PARD3: variants seen among roughly 807,000 people sequenced by gnomAD.
The protein encoded by PARD3 is par-3 family cell polarity regulator.
A neutral mutation model predicts 155.4 loss-of-function variants in PARD3; 75 were observed. The ratio of observed to expected loss-of-function variants is 0.48; its 90% CI spans 0.40 to 0.58. The LOEUF (loss-of-function observed/expected upper bound fraction) is 0.58. PARD3 is among the 20% of genes least tolerant of loss of function. The pLI is 0.00. For synonymous variants in PARD3, 576 were observed against 610.5 expected (o/e 0.94, Z 0.83); for missense variants, 1,642 against 1,721.7 (o/e 0.95, Z 0.82).
chr10:34,594,454 C>A (rs2089045593), intron 2 of PARD3, among the ~76,000 whole-genome samples: 1 of 152,120 alleles, frequency 6.6e-6, no homozygotes, highest in Admixed American at 6.5e-5. Flanking sequence ...GTATACATAT[C>A]CATGAAGCCT....
intron 5 of PARD3, among the ~76,000 whole-genome samples, chr10:34,446,148 G>A (rs187287817): frequency 8.9e-4 from 135 of 152,286 alleles, no homozygotes; most frequent in East Asian, 3.9e-4. Flanking sequence ...CTCTGTGCAA[G>A]GATGTGGCTC....
chr10:34,414,627 G>A (rs1434975340), intron 5 of PARD3, among the ~76,000 whole-genome samples: 2 of 151,202 alleles, frequency 1.3e-5, no homozygotes, highest in African/African-American at 2.4e-5. Flanking sequence ...ACCAGCCTGG[G>A]CAACACAGCG....
intron 5 of PARD3, among the ~76,000 whole-genome samples, chr10:34,416,154 G>A (rs1372262289): frequency 6.6e-6 from 1 of 152,192 alleles, no homozygotes; most frequent in East Asian, 1.9e-4. Flanking sequence ...CACACCGCTT[G>A]TAAACAGAGT....
intron 2 of PARD3, among the ~76,000 whole-genome samples, chr10:34,631,327 A>G (rs2092259476): frequency 6.6e-6 from 1 of 152,190 alleles, no homozygotes; most frequent in African/African-American, 2.4e-5. Flanking sequence ...ACGTCAAGGC[A>G]AGTACATTGA....
chr10:34,279,227 G>C (rs1956045476), intron 21 of PARD3, among the ~76,000 whole-genome samples: 1 of 139,738 alleles, frequency 7.2e-6, no homozygotes, highest in Non-Finnish European at 1.5e-5. Flanking sequence ...GCAGCTCACT[G>C]CAGCCTCGAA....
At chr10:34,446,787 C>G (rs1030152755) in intron 5 of PARD3, among the ~76,000 whole-genome samples, 1 of 152,100 alleles carries the variant, frequency 6.6e-6, no homozygotes, top group Non-Finnish European at 1.5e-5. Context: ...GCAAGGCAAG[C>G]TGTCCCTTTT....
intron 1 of PARD3, among the ~76,000 whole-genome samples, chr10:34,788,517 G>A (rs764463664): frequency 1.3e-5 from 2 of 150,318 alleles, no homozygotes; most frequent in Non-Finnish European, 2.9e-5. Context: ...TGGCACGATC[G>A]CGGCTCACTG....
chr10:34,233,017 ATTT>A lies in PARD3; in HGVS notation c.3419+36637_3419+36639del, dbSNP rs3039283. Among the ~76,000 whole-genome samples the A allele has an allele frequency of 2.8e-3, 269 of 96,152 alleles. 3 individuals are homozygous for A. The highest frequency in any genetic ancestry group is 0.01 in the African/African-American group (232 of 22,724). The allele number at this position is 96,152 out of a possible 152,430, so 63.1% of individuals were successfully genotyped here. On this transcript the variant is annotated intron_variant, in intron 22 of 24. Coordinates refer to ENST00000374788, the MANE Select transcript of PARD3 (RefSeq NM_001184785.2). ...GTGCCCGGCCCATCCTCAAATGTTA[ATTT>A]TTTTTTTTTTTTTTTTTTTGCCTAG...
chr10:34,766,306 G>C lies in PARD3; in HGVS notation c.120+48570C>G, dbSNP rs1200183775. Among the ~76,000 whole-genome samples, 4 of 152,144 alleles carry C rather than the reference G, an allele frequency of 2.6e-5. No homozygotes were observed. The East Asian group carries it at 7.7e-4, about 29-fold the overall frequency. On this transcript the variant is annotated intron_variant, in intron 1 of 24. Transcript: ENST00000374788. ...GCTGACACTAGCAGGTCAGAAGTGG[G>C]TATTTGCCAAGGGAAACACTTCAAG... is the stretch of plus-strand genomic sequence containing the variant.
intron 2 of PARD3, among the ~76,000 whole-genome samples, chr10:34,675,398 TG>T (rs966446814): frequency 6.6e-6 from 1 of 152,162 alleles, no homozygotes; most frequent in African/African-American, 2.4e-5. Context: ...TTGAAGTCCA[TG>T]AACCCAGTCA....
chr10:34,399,264 C>G, intron 7 of PARD3, 66 bp downstream of exon 7: 2 of 1,022,974 alleles, frequency 2.0e-6, no homozygotes, highest in African/African-American at 3.1e-5. Flanking sequence ...CACTCTCTAT[C>G]TGAGCATAAA....
intron 19 of PARD3, among the ~76,000 whole-genome samples, chr10:34,320,747 A>G (rs1186877323): frequency 6.6e-6 from 1 of 152,248 alleles, no homozygotes; most frequent in Non-Finnish European, 1.5e-5. Context: ...TTATAAAATT[A>G]AAAGTCCTAC....
At chr10:34,462,834 C>A (rs997563770) in intron 4 of PARD3, among the ~76,000 whole-genome samples, 1 of 131,722 alleles carries the variant, frequency 7.6e-6, no homozygotes, top group Non-Finnish European at 1.6e-5. Flanking sequence ...CAGACAGTGG[C>A]AAAAGAAAAG....
chr10:34,172,267 G>C (rs78991247), intron 22 of PARD3, among the ~76,000 whole-genome samples: 2,854 of 152,214 alleles, frequency 0.019, 98 homozygotes, highest in African/African-American at 0.065. Flanking sequence ...AACTCCAAGT[G>C]CTGGGAAAAT....
intron 3 of PARD3, among the ~76,000 whole-genome samples, chr10:34,491,944 T>A (rs1413699809): frequency 6.6e-6 from 1 of 152,154 alleles, no homozygotes; most frequent in East Asian, 1.9e-4. Flanking sequence ...TCGCAGCATT[T>A]CCAGTAGGCT....
At chr10:34,748,114 C>T (rs12761460) in intron 1 of PARD3, among the ~76,000 whole-genome samples, 53,225 of 152,040 alleles carry the variant, frequency 0.35, 10,644 homozygotes, top group Non-Finnish European at 0.45. Context: ...GGTCAGCCAG[C>T]CATCAAGGGC....
chr10:34,470,219 C>A lies in PARD3; in HGVS notation c.448G>T (p.Gly150Cys), dbSNP rs773670703. 2.5e-6 allele frequency: 4 copies of A among 1,612,124 alleles called. No individual in the cohort carries two copies. The highest frequency in any genetic ancestry group is 3.4e-6 in the Non-Finnish European group (4 of 1,179,184). The change falls in exon 4 of 25, where the codon GGC becomes TGC. Residue 150 changes from glycine to cysteine, a missense_variant. Gly to Cys is a radical substitution (Grantham distance 159). Coordinates refer to ENST00000374788, the MANE Select transcript of PARD3 (RefSeq NM_001184785.2). ...CTATCACTGACAGAAGTGGAGAGGC[C>A]AATTAGAGCTGGGTCACTACTGCGT... is the stretch of plus-strand genomic sequence containing the variant. ...VRRSSDPALI[G>C]LSTSVSDSNF...
At chr10:34,604,147 CT>C (rs1350401282) in intron 2 of PARD3, among the ~76,000 whole-genome samples, 1 of 152,158 alleles carries the variant, frequency 6.6e-6, no homozygotes. Context: ...CAACTAATTT[CT>C]TGTTAGTCTT....
At chr10:34,622,964 C>T (rs1391322399) in intron 2 of PARD3, among the ~76,000 whole-genome samples, 3 of 150,104 alleles carry the variant, frequency 2.0e-5, no homozygotes, top group Non-Finnish European at 4.4e-5. Context: ...TCTTTTTTTC[C>T]TGACAAATGG....
Sources: gnomAD v4.1 joint callset for allele counts (sites outside exome capture counted in the v4.1 genomes callset) on GRCh38, gnomAD v4.1.1 for gene constraint, MANE v1.5 for transcripts, NCBI Gene and HGNC (gene_info 2026-07-23, HGNC 2026-07-21) for gene names.